The following DCHS2 variants were observed in gnomAD, a reference collection of about 807,000 sequenced individuals.
DCHS2 encodes the protein dachsous cadherin-related 2.
Under a neutral mutation model 182.4 loss-of-function variants are expected in DCHS2, and 142 were observed. The observed-to-expected ratio is 0.78, with a 90% CI of 0.68 to 0.89. The LOEUF (loss-of-function observed/expected upper bound fraction) is 0.89. Among genes scored for constraint, DCHS2 ranks in the 40% least tolerant of loss-of-function variants. The pLI, the probability that DCHS2 is intolerant of heterozygous loss-of-function variation, is 0.00. For synonymous variants in DCHS2, 1,740 were observed against 1,663.3 expected (o/e 1.05, Z -1.12); for missense variants, 4,319 against 4,198.6 (o/e 1.03, Z -0.79).
At chr4:154,277,420 A>C (rs17031339) in intron 13 of DCHS2, among the ~76,000 whole-genome samples, 18,122 of 152,120 alleles carry the variant, frequency 0.12, 2,161 homozygotes, top group African/African-American at 0.28. Context: ...CAGAGAGAGC[A>C]AGAGACTACA....
chr4:154,278,425 G>A (rs1733968006), intron 13 of DCHS2, among the ~76,000 whole-genome samples: 2 of 151,328 alleles, frequency 1.3e-5, no homozygotes, highest in African/African-American at 2.4e-5. Context: ...AGGAGAAGAG[G>A]GAAACAAAGG....
chr4:154,332,547 C>T lies in DCHS2; in HGVS notation c.3661G>A (p.Gly1221Arg), dbSNP rs1736580528. The change falls in exon 5 of 20, where the codon GGA (glycine) becomes AGA (arginine). Residue 1221 changes from glycine (G) to arginine (R), a missense_variant. Coordinates refer to ENST00000357232, the MANE Select transcript of DCHS2 (RefSeq NM_001358235.2). ...GKITAIDMDSGKNGQLLYFLL... is the reference protein window; with the variant it reads ...GKITAIDMDSRKNGQLLYFLL... ...AAATATAATAGCTGTCCATTCTTTC[C>T]AGAGTCCATGTCAATAGCTGTAATT... 1 of 1,614,126 alleles carries T rather than the reference C, an allele frequency of 6.2e-7. No homozygotes were observed. The highest frequency in any genetic ancestry group is 2.2e-5 in the East Asian group (1 of 44,876).
At chr4:154,436,539 A>G (rs1451936341) in intron 1 of DCHS2, among the ~76,000 whole-genome samples, 1 of 152,206 alleles carries the variant, frequency 6.6e-6, no homozygotes, top group African/African-American at 2.4e-5. Context: ...TTTCAACCAC[A>G]TTACTGTATG....
At position 154,366,423 on chromosome 4, in the gene DCHS2, C is replaced by A; in HGVS notation, c.2263G>T (p.Ala755Ser). Residue 755 changes from alanine to serine, a missense_variant, in exon 3 of 20, where the codon GCC becomes TCC. Transcript: ENST00000357232. Reference protein sequence around the residue: ...AKDGGGLSAQAFVRVDLEDVN... With the variant: ...AKDGGGLSAQSFVRVDLEDVN... The stretch of plus-strand genomic sequence containing the variant: ...TCCTCCAGGTCCACACGAACAAAGG[C>A]TTGGGCACTTAGCCCACCCTGGTGG... 1 of 1,613,344 alleles carries A rather than the reference C, an allele frequency of 6.2e-7. No homozygotes were observed. The highest frequency in any genetic ancestry group is 8.5e-7 in the Non-Finnish European group (1 of 1,179,696).
intron 16 of DCHS2, among the ~76,000 whole-genome samples, chr4:154,249,444 A>G (rs957105345): frequency 2.0e-5 from 3 of 152,188 alleles, no homozygotes; most frequent in Admixed American, 2.0e-4. Flanking sequence ...GAGAGTGTGA[A>G]GAAAAGGGAA....
intron 14 of DCHS2, 23 bp downstream of exon 14, chr4:154,269,877 A>C (rs1413940888): frequency 1.3e-6 from 2 of 1,595,128 alleles, no homozygotes; most frequent in African/African-American, 1.4e-5. Flanking sequence ...AAATAAAGCT[A>C]GTATAGGGTA....
At chr4:154,285,377 G>A (rs1017622081) in intron 13 of DCHS2, among the ~76,000 whole-genome samples, 1 of 152,118 alleles carries the variant, frequency 6.6e-6, no homozygotes. Context: ...ACTTTGTCTT[G>A]CAGTTTAGGT....
intron 1 of DCHS2, among the ~76,000 whole-genome samples, chr4:154,443,873 G>A (rs1012567308): frequency 1.3e-5 from 2 of 152,200 alleles, no homozygotes; most frequent in African/African-American, 4.8e-5. Flanking sequence ...AAAACTGCTT[G>A]TCAAGATCAC....
chr4:154,442,078 G>A (rs937911900), intron 1 of DCHS2, among the ~76,000 whole-genome samples: 3 of 151,946 alleles, frequency 2.0e-5, no homozygotes, highest in Non-Finnish European at 2.9e-5. Flanking sequence ...TTATATCATC[G>A]TCATCTGGGT....
At chr4:154,297,775 C>G in intron 13 of DCHS2, 76 bp downstream of exon 13, 2 of 1,526,194 alleles carry the variant, frequency 1.3e-6, no homozygotes, top group East Asian at 4.5e-5. Context: ...CAATGGCACT[C>G]TTGTAGTATA....
chr4:154,366,059 T>C, intron 3 of DCHS2, 151 bp downstream of exon 3: 2 of 629,864 alleles, frequency 3.2e-6, no homozygotes, highest in South Asian at 3.9e-5. Flanking sequence ...TCAGCCATTT[T>C]CAATATACTT....
intron 1 of DCHS2, among the ~76,000 whole-genome samples, chr4:154,461,917 A>C (rs1242621163): frequency 6.6e-6 from 1 of 152,202 alleles, no homozygotes; most frequent in Non-Finnish European, 1.5e-5. Flanking sequence ...GGCTTCCCAG[A>C]AAGTTGTCCC....
chr4:154,233,753 A>ATAAT lies in DCHS2; in HGVS notation c.*779_*782dup, dbSNP rs1731302974. The ATAAT allele has an allele frequency of 1.3e-5, 2 of 152,204 alleles. No homozygotes were observed. The highest frequency in any genetic ancestry group is 2.9e-5 in the Non-Finnish European group (2 of 68,024). The allele number at this position is 152,204 out of a possible 1,614,324, so 9.4% of individuals were successfully genotyped here. ...CATTCTGTTTGTAAAGAAGGCCAAG[A>ATAAT]TAATATGTTTCAGGTGGTAGCAAAC... On this transcript the variant is annotated 3_prime_UTR_variant, in exon 20 of 20. Transcript: ENST00000357232.
At chr4:154,484,466 A>G (rs4696586) in intron 1 of DCHS2, among the ~76,000 whole-genome samples, 139,993 of 152,154 alleles carry the variant, frequency 0.92, 65,546 homozygotes, top group East Asian at 1. Context: ...TCTCCAAAAC[A>G]GCCTCCCATT....
intron 1 of DCHS2, among the ~76,000 whole-genome samples, chr4:154,436,584 T>C (rs967245827): frequency 5.3e-5 from 8 of 152,224 alleles, no homozygotes; most frequent in Admixed American, 5.2e-4. Context: ...GAAATTTATT[T>C]TGGAGTATGT....
At chr4:154,434,426 A>G (rs1733690404) in intron 1 of DCHS2, among the ~76,000 whole-genome samples, 1 of 152,236 alleles carries the variant, frequency 6.6e-6, no homozygotes. Context: ...TGTCTCAGAA[A>G]AAAAATAAGT....
intron 13 of DCHS2, among the ~76,000 whole-genome samples, chr4:154,281,176 C>G (rs1010371486): frequency 6.6e-6 from 1 of 151,634 alleles, no homozygotes; most frequent in Non-Finnish European, 1.5e-5. Flanking sequence ...CAAGTCCTAG[C>G]CTGAGCAATT....
Position 154,236,050 on chromosome 4 carries a change from C to G in DCHS2, c.8602G>C (p.Val2868Leu), listed in dbSNP as rs1731472808. 6.2e-7 allele frequency: 1 copy of G among 1,613,830 alleles called. No homozygotes were observed. The highest frequency in any genetic ancestry group is 1.3e-5 in the African/African-American group (1 of 75,008). Residue 2868 changes from valine (V) to leucine (L), a missense_variant, in exon 20 of 20, where the codon GTG becomes CTG. Physicochemically the swap from Val to Leu is conservative, Grantham distance 32 (BLOSUM62 1). Transcript: ENST00000357232. ...AATTCATCTATCCCTTCAATATCCA[C>G]CCAGACCACTAAGGAGGCAGTTGCA... ...GDATASLVVW[V>L]DIEGIDEFEP...
intron 3 of DCHS2, among the ~76,000 whole-genome samples, chr4:154,362,718 C>T (rs931931025): frequency 1.3e-5 from 2 of 152,172 alleles, no homozygotes; most frequent in African/African-American, 2.4e-5. Context: ...CCGACACCCA[C>T]GAGACCGAAA....
Sources: gnomAD v4.1 joint callset for allele counts (sites outside exome capture counted in the v4.1 genomes callset) on GRCh38, gnomAD v4.1.1 for gene constraint, MANE v1.5 for transcripts, NCBI Gene and HGNC (gene_info 2026-07-23, HGNC 2026-07-21) for gene names.